The following UBN2 variants were observed in gnomAD, a reference collection of about 807,000 sequenced individuals.
UBN2 encodes ubinuclein-2.
In UBN2, 35 loss-of-function variants were observed where a neutral mutation model predicts 120.2. The ratio of observed to expected loss-of-function variants is 0.29; its 90% confidence interval spans 0.22 to 0.39. The LOEUF is 0.39. Among genes scored for constraint, UBN2 ranks in the 10% least tolerant of loss-of-function variants. The probability of loss-of-function intolerance (pLI) is 1.00; values close to 1 mark genes in which losing one functional copy is unlikely to be tolerated. For synonymous variants in UBN2, 661 were observed against 648.7 expected (o/e 1.02, Z -0.29); for missense variants, 1,693 against 1,663.2 (o/e 1.02, Z -0.31).
At chr7:139,328,696 A>G in the UBN2 span, among the ~76,000 whole-genome samples, 2 of 152,070 alleles carry the variant, frequency 1.3e-5, no homozygotes, top group East Asian at 3.9e-4. Flanking sequence ...TCACAAAAAC[A>G]TGTTAAATCA....
At chr7:139,318,163 T>C in the UBN2 span, among the ~76,000 whole-genome samples, 1 of 152,224 alleles carries the variant, frequency 6.6e-6, no homozygotes, top group Admixed American at 6.5e-5. Flanking sequence ...TTGATGTGAT[T>C]GTACTCTTAA....
chr7:139,249,397 T>TG (rs1359730693), intron 2 of UBN2, among the ~76,000 whole-genome samples: 2 of 152,216 alleles, frequency 1.3e-5, no homozygotes, highest in Non-Finnish European at 2.9e-5. Flanking sequence ...GACACCATGT[T>TG]GGAGATGTCT....
chr7:139,281,671 A>G (rs1364134699), intron 13 of UBN2, among the ~76,000 whole-genome samples: 1 of 152,236 alleles, frequency 6.6e-6, no homozygotes, highest in Admixed American at 6.5e-5. Context: ...TAATGGTTTT[A>G]TAAATAAAAA....
At chr7:139,272,939 C>T (rs970699775) in intron 9 of UBN2, among the ~76,000 whole-genome samples, 2 of 152,162 alleles carry the variant, frequency 1.3e-5, no homozygotes, top group African/African-American at 2.4e-5. Flanking sequence ...AAATGGCACT[C>T]AGTTGCTTTG....
At chr7:139,232,749 T>A (rs1012853215) in intron 1 of UBN2, among the ~76,000 whole-genome samples, 2 of 152,220 alleles carry the variant, frequency 1.3e-5, no homozygotes, top group African/African-American at 4.8e-5. Context: ...ATTCAGCCTT[T>A]GTAATTTTCG....
chr7:139,237,281 C>CATCATTCATTTTTATTTTT (rs1258643059), intron 2 of UBN2, among the ~76,000 whole-genome samples, 184 bp downstream of exon 2: 1 of 152,046 alleles, frequency 6.6e-6, no homozygotes, highest in Non-Finnish European at 1.5e-5. Context: ...TTAAAGTAGC[C>CATCATTCATTTTTATTTTT]ATCATTCATT....
intron 5 of UBN2, among the ~76,000 whole-genome samples, chr7:139,260,375 G>A (rs987417129): frequency 5.3e-5 from 8 of 152,182 alleles, no homozygotes; most frequent in African/African-American, 1.9e-4. Context: ...TGAGATTACA[G>A]GCATGAGCCA....
At chr7:139,294,797 C>T (rs1445722807) in intron 17 of UBN2, among the ~76,000 whole-genome samples, 5 of 152,062 alleles carry the variant, frequency 3.3e-5, no homozygotes, top group South Asian at 2.1e-4. Context: ...GCCGAGATCA[C>T]GCCACTGCAC....
At chr7:139,310,033 G>A (rs978318936), downstream of UBN2, among the ~76,000 whole-genome samples, 5 of 152,098 alleles carry the variant, frequency 3.3e-5, no homozygotes, top group African/African-American at 1.2e-4. Context: ...ACAAATAGGT[G>A]ACTTTTTGGT....
chr7:139,274,360 G>C (rs1336805727), intron 11 of UBN2, among the ~76,000 whole-genome samples: 3 of 152,138 alleles, frequency 2.0e-5, no homozygotes, highest in Admixed American at 6.5e-5. Context: ...ACTCCCAAAT[G>C]GTTATGAAGT....
chr7:139,277,959 T>A (rs1797493672), intron 12 of UBN2, among the ~76,000 whole-genome samples: 1 of 152,132 alleles, frequency 6.6e-6, no homozygotes, highest in Non-Finnish European at 1.5e-5. Flanking sequence ...ATAATAAAAG[T>A]TATGTGAATG....
At chr7:139,289,705 C>A (rs994290387) in intron 15 of UBN2, among the ~76,000 whole-genome samples, 2 of 152,060 alleles carry the variant, frequency 1.3e-5, no homozygotes, top group Non-Finnish European at 2.9e-5. Context: ...AACCATCGCA[C>A]CTGGCCCTCA....
the UBN2 span, among the ~76,000 whole-genome samples, chr7:139,322,217 G>T: frequency 1.3e-5 from 2 of 151,966 alleles, no homozygotes; most frequent in Non-Finnish European, 2.9e-5. Context: ...CAGGTGATCC[G>T]CCCACCTCGG....
At chr7:139,265,486 A>G (rs1797070416) in intron 6 of UBN2, among the ~76,000 whole-genome samples, 1 of 152,198 alleles carries the variant, frequency 6.6e-6, no homozygotes, top group Non-Finnish European at 1.5e-5. Flanking sequence ...TCAAAAAAAA[A>G]GAAATTTCTG....
In UBN2 at chr7:139,284,244, G is replaced by A; in HGVS notation, c.3339G>A (p.Gln1113=). Residue 1113 remains glutamine (Q), a synonymous_variant, in exon 15 of 18, where the codon CAG becomes CAA. Transcript: ENST00000473989. ...GCACTAACAGCCCAGTCCATAAACAGCCCAGTGGAATGAACATCAGCAGAC... is the reference window on the plus strand; with the variant it reads ...GCACTAACAGCCCAGTCCATAAACAACCCAGTGGAATGAACATCAGCAGAC... ...HSSTNSPVHK[Q]PSGMNISRQS... The A allele has an allele frequency of 6.2e-7, 1 of 1,614,102 alleles. No individual in the cohort carries two copies. Among genetic ancestry groups the A allele is most frequent in the Non-Finnish European group, 8.5e-7 (1 of 1,180,022 alleles).
At chr7:139,232,406 A>ATCATCC (rs1390876100) in intron 1 of UBN2, among the ~76,000 whole-genome samples, 4 of 152,206 alleles carry the variant, frequency 2.6e-5, no homozygotes, top group Non-Finnish European at 4.4e-5. Context: ...CCCCTCTCGT[A>ATCATCC]TCATCCTCAT....
Position 139,269,411 on chromosome 7 carries a change from A to G in UBN2, c.1484A>G (p.Gln495Arg). 6.2e-7 allele frequency: 1 copy of G among 1,614,000 alleles called. No individual in the cohort carries two copies. The highest frequency in any genetic ancestry group is 8.5e-7 in the Non-Finnish European group (1 of 1,179,978). ...TTGGCCAGCATTGAGTTACAGCTAC[A>G]AGAACTAGGCCCTGTCATTCGCAGT... Reference protein sequence around the residue: ...NILLDIELQLQELGPVIRSGV... With the variant: ...NILLDIELQLRELGPVIRSGV... The change falls in exon 8 of 18, where the codon CAA (glutamine) becomes CGA (arginine). Residue 495 changes from glutamine (Q) to arginine (R), a missense_variant. Transcript: ENST00000473989.
chr7:139,264,126 C>G (rs1797019738), intron 6 of UBN2, among the ~76,000 whole-genome samples: 1 of 152,054 alleles, frequency 6.6e-6, no homozygotes, highest in African/African-American at 2.4e-5. Flanking sequence ...TTAAAAAATA[C>G]TGTTTTTGCC....
chr7:139,303,395 T>C lies in UBN2; in HGVS notation c.*5559T>C, dbSNP rs959808140. The C allele has an allele frequency of 2.4e-4, 36 of 152,290 alleles. No individual in the cohort carries two copies. Among genetic ancestry groups the C allele is most frequent in the African/African-American group, 8.7e-4 (36 of 41,554 alleles). 9.4% of individuals were successfully genotyped at this position (152,290 alleles called of 1,614,324 possible). A position where few individuals can be genotyped will look rare whatever the true frequency, so the allele number is the denominator to read the frequency against. Reference sequence around the variant, plus strand: ...AATATACCTAGTAAGTGCCCCCCTTTCAATACATTCTAATTGGGAAGAAGA... The same window carrying C: ...AATATACCTAGTAAGTGCCCCCCTTCCAATACATTCTAATTGGGAAGAAGA... On this transcript the variant is annotated 3_prime_UTR_variant, in exon 18 of 18. Transcript: ENST00000473989.
Sources: allele counts gnomAD v4.1 joint callset (sites outside exome capture counted in the v4.1 genomes callset), GRCh38; gene constraint gnomAD v4.1.1; transcripts MANE v1.5; gene names NCBI Gene and HGNC (gene_info 2026-07-23, HGNC 2026-07-21).